The following FREM3 variants were observed in gnomAD, a reference collection of about 807,000 sequenced individuals.
The protein encoded by FREM3 is FRAS1-related extracellular matrix protein 3.
A neutral mutation model predicts 129.1 loss-of-function variants in FREM3; 105 were observed. The ratio of observed to expected loss-of-function variants is 0.81; its 90% confidence interval spans 0.69 to 0.96. FREM3 has a LOEUF of 0.96. FREM3 is among the 40% of genes least tolerant of loss of function. The pLI is 0.00. For missense variants in FREM3, 2,593 were observed against 2,666.3 expected, an observed-to-expected ratio of 0.97 and a Z score of 0.61; for synonymous variants, 1,014 against 1,044.9, an observed-to-expected ratio of 0.97 and a Z score of 0.57.
rs1170888545 is a variant in FREM3, at chr4:143,696,398, G to C, written c.4278C>G (p.Phe1426Leu). 3.3e-6 allele frequency: 5 copies of C among 1,537,508 alleles called. No homozygotes were observed. The East Asian group carries it at 9.8e-5, about 30-fold the overall frequency. Reference protein sequence around the residue: ...YVTIGNLDSVFPEVISKRITL... With the variant: ...YVTIGNLDSVLPEVISKRITL... ...TGATCCTTTTGCTGATTACCTCAGG[G>C]AAGACGCTGTCTAAGTTGCCAATGG... is the stretch of plus-strand genomic sequence containing the variant. The change falls in exon 1 of 8, where the codon TTC (phenylalanine) becomes TTG (leucine). Residue 1426 changes from phenylalanine (F) to leucine (L), a missense_variant. By Grantham distance (22) the Phe-to-Leu change is conservative. This residue lies in a region of FREM3 where 2,276 missense variants were observed against 2,267.2 expected (regional missense o/e 1.00). Transcript: ENST00000329798.
At chr4:143,686,580 A>C (rs1740368429) in intron 2 of FREM3, among the ~76,000 whole-genome samples, 1 of 152,218 alleles carries the variant, frequency 6.6e-6, no homozygotes, top group African/African-American at 2.4e-5. Context: ...ATAGGCCATA[A>C]AATGAGCCTG....
intron 2 of FREM3, among the ~76,000 whole-genome samples, chr4:143,634,427 C>T (rs986737366): frequency 2.0e-5 from 3 of 152,086 alleles, no homozygotes; most frequent in Non-Finnish European, 2.9e-5. Flanking sequence ...GGGACCCCAG[C>T]GGCTTATCTG....
chr4:143,632,800 G>A (rs899253043), intron 2 of FREM3, among the ~76,000 whole-genome samples: 2 of 149,764 alleles, frequency 1.3e-5, no homozygotes, highest in East Asian at 3.9e-4. Context: ...CATAACAATA[G>A]TTGATGAGCT....
At chr4:143,679,092 CT>C (rs1272138799) in intron 2 of FREM3, among the ~76,000 whole-genome samples, 2 of 152,206 alleles carry the variant, frequency 1.3e-5, no homozygotes, top group Non-Finnish European at 2.9e-5. Context: ...ATTTATTTTA[CT>C]TTCTAAAAAT....
At chr4:143,616,788 G>A (rs759265451) in intron 5 of FREM3, among the ~76,000 whole-genome samples, 2 of 125,402 alleles carry the variant, frequency 1.6e-5, no homozygotes, top group Non-Finnish European at 3.0e-5. Flanking sequence ...GCGAGACTCC[G>A]TCTCAAAAAA....
intron 5 of FREM3, among the ~76,000 whole-genome samples, chr4:143,612,195 G>GT (rs1406443311): frequency 2.6e-5 from 4 of 152,108 alleles, no homozygotes; most frequent in Non-Finnish European, 4.4e-5. Flanking sequence ...ATCATAAAAC[G>GT]TTTTTATCCA....
chr4:143,680,175 A>G (rs1740224918), intron 2 of FREM3, among the ~76,000 whole-genome samples: 1 of 151,638 alleles, frequency 6.6e-6, no homozygotes, highest in Non-Finnish European at 1.5e-5. Flanking sequence ...GCCATTATAA[A>G]CCTATCTTAA....
At chr4:143,672,018 T>C (rs770404657) in intron 2 of FREM3, among the ~76,000 whole-genome samples, 8 of 152,200 alleles carry the variant, frequency 5.3e-5, no homozygotes, top group Non-Finnish European at 1.0e-4. Flanking sequence ...CATAGAGTTG[T>C]CAAGGTTCCC....
Position 143,697,678 on chromosome 4 carries a change from T to G in FREM3, c.2998A>C (p.Asn1000His). 5.2e-6 allele frequency: 8 copies of G among 1,537,822 alleles called. No homozygotes were observed. Among genetic ancestry groups the G allele is most frequent in the Non-Finnish European group, 7.0e-6 (8 of 1,147,054 alleles). Residue 1000 changes from asparagine (N) to histidine (H), a missense_variant, in exon 1 of 8, where the codon AAT becomes CAT. Asn to His is a moderately conservative substitution (Grantham distance 68). Transcript: ENST00000329798. ...DSPKLGTILV[N>H]GLPTERFTQE... ...GTGAATCGTTCTGTGGGCAAACCAT[T>G]TACCAGAATAGTGCCCAGTTTGGGG...
intron 6 of FREM3, among the ~76,000 whole-genome samples, chr4:143,605,812 T>C (rs904043404): frequency 2.6e-5 from 4 of 152,222 alleles, no homozygotes; most frequent in Non-Finnish European, 2.9e-5. Flanking sequence ...AAGTCTCCTT[T>C]TATTATCTTA....
At chr4:143,665,841 T>A (rs1346133999) in intron 2 of FREM3, among the ~76,000 whole-genome samples, 1 of 152,134 alleles carries the variant, frequency 6.6e-6, no homozygotes, top group East Asian at 1.9e-4. Context: ...AACTAGCCCT[T>A]GTGTTCTAGG....
intron 2 of FREM3, among the ~76,000 whole-genome samples, chr4:143,670,635 G>A (rs1199729327): frequency 6.6e-6 from 1 of 152,098 alleles, no homozygotes; most frequent in African/African-American, 2.4e-5. Flanking sequence ...ACTGGAAAAT[G>A]AAAGGCAAGA....
intron 7 of FREM3, among the ~76,000 whole-genome samples, chr4:143,578,943 G>A (rs1738086859): frequency 6.6e-6 from 1 of 152,012 alleles, no homozygotes; most frequent in Non-Finnish European, 1.5e-5. Flanking sequence ...GATTATGCAA[G>A]TGTATCAAGT....
At chr4:143,583,360 A>G (rs979340635) in intron 7 of FREM3, among the ~76,000 whole-genome samples, 13 of 152,226 alleles carry the variant, frequency 8.5e-5, no homozygotes, top group African/African-American at 3.1e-4. Context: ...ACAGGGAGAG[A>G]AACCAAACAA....
chr4:143,635,344 T>G (rs1463577494), intron 2 of FREM3, among the ~76,000 whole-genome samples: 1 of 152,208 alleles, frequency 6.6e-6, no homozygotes, highest in Non-Finnish European at 1.5e-5. Flanking sequence ...GACACTTTGT[T>G]ATTTGCTATA....
rs113517902 is a variant in FREM3, at chr4:143,659,451, T to C, written c.5276-31691A>G. Among the ~76,000 whole-genome samples the C allele has an allele frequency of 7.4e-4, 112 of 152,340 alleles. 1 individual carries two copies. Among genetic ancestry groups the C allele is most frequent in the African/African-American group, 2.5e-3 (104 of 41,564 alleles). ...GCTGCATAGTATTCCATGGTGTATA[T>C]GTGCCACATTTTCTTAATCCAGTCT... On this transcript the variant is annotated intron_variant, in intron 2 of 7. Transcript: ENST00000329798.
At position 143,700,668 on chromosome 4, in the gene FREM3, C is replaced by T. The variant is rs1332171021; in HGVS notation, c.8G>A (p.Gly3Glu). 7.0e-7 allele frequency: 1 copy of T among 1,426,288 alleles called. No homozygotes were observed. The highest frequency in any genetic ancestry group is 1.5e-5 in the African/African-American group (1 of 68,260). 88.4% of individuals were successfully genotyped at this position (1,426,288 alleles called of 1,614,324 possible). ...CGTCCCAGTCGGGTGCCGAGAAGCC[C>T]CCGCCATGGCCACGGATGGCTCCTG... MA[G>E]ASRHPTGTPR... Residue 3 changes from glycine to glutamate, a missense_variant, in exon 1 of 8, where the codon GGG (glycine) becomes GAG (glutamate). Transcript: ENST00000329798.
Position 143,698,962 on chromosome 4 carries a change from T to C in FREM3, c.1714A>G (p.Ile572Val), listed in dbSNP as rs935137818. The C allele has an allele frequency of 1.3e-6, 2 of 1,537,068 alleles. No homozygotes were observed. The highest frequency in any genetic ancestry group is 1.4e-5 in the African/African-American group (1 of 73,020). The change falls in exon 1 of 8, where the codon ATT (isoleucine) becomes GTT (valine). Residue 572 changes from isoleucine to valine, a missense_variant. Coordinates refer to ENST00000329798, the MANE Select transcript of FREM3 (RefSeq NM_001168235.2). ...TGGATGGTTGAGTCCTCAGAGTCAA[T>C]ATCAGTAGCACTCAGTACAAAGGGA... ...ISPFVLSATDIDSEDSTIHFV... is the reference protein window; with the variant it reads ...ISPFVLSATDVDSEDSTIHFV...
intron 2 of FREM3, among the ~76,000 whole-genome samples, chr4:143,657,862 C>G (rs941393670): frequency 6.6e-6 from 1 of 152,154 alleles, no homozygotes; most frequent in Non-Finnish European, 1.5e-5. Flanking sequence ...TCATTATTCT[C>G]TGCCACCATG....
Sources: allele counts gnomAD v4.1 joint callset (sites outside exome capture counted in the v4.1 genomes callset), GRCh38; gene constraint gnomAD v4.1.1; regional missense constraint gnomAD v4.1.1; transcripts MANE v1.5; gene names NCBI Gene and HGNC (gene_info 2026-07-23, HGNC 2026-07-21).